Variants in FRMPD4 observed in about 807,000 individuals in gnomAD.
FRMPD4 encodes FERM and PDZ domain containing 4, also known as FERM and PDZ domain-containing protein 4.
Under a neutral mutation model 94.1 loss-of-function variants are expected in FRMPD4, and 22 were observed. The observed-to-expected ratio is 0.23, with a 90% CI of 0.17 to 0.33. FRMPD4 has a LOEUF of 0.33. Ranked by LOEUF, FRMPD4 falls within the 10% of genes least tolerant of loss-of-function variation. The pLI, the probability that FRMPD4 is intolerant of heterozygous loss-of-function variation, is 1.00. For missense variants in FRMPD4, 1,111 were observed against 1,339.9 expected (o/e 0.83, Z 2.67); for synonymous variants, 631 against 548.6 (o/e 1.15, Z -2.10).
intron 5 of FRMPD4, among the ~76,000 whole-genome samples, chrX:12,675,551 T>C (rs2059890898): frequency 9.0e-6 from 1 of 111,318 alleles, no homozygotes; most frequent in African/African-American, 3.3e-5. Context: ...CCCCATCCAG[T>C]TGGAGGACAT....
chrX:11,869,193 TA>T (rs1488036767), intron 2 of FRMPD4, among the ~76,000 whole-genome samples: 6 of 112,279 alleles, frequency 5.3e-5, no homozygotes, highest in Non-Finnish European at 1.1e-4. Context: ...ATGTACTCAT[TA>T]AATGGACATA....
intron 2 of FRMPD4, among the ~76,000 whole-genome samples, chrX:12,605,293 G>C (rs765772972): frequency 8.9e-6 from 1 of 112,430 alleles, no homozygotes; most frequent in South Asian, 3.7e-4. Context: ...TAGGCAACAT[G>C]CTCATAGGTA....
intron 1 of FRMPD4, among the ~76,000 whole-genome samples, chrX:12,222,096 G>A (rs2056874944): frequency 8.9e-6 from 1 of 111,800 alleles, no homozygotes; most frequent in Non-Finnish European, 1.9e-5. Context: ...ACTTTGGGAG[G>A]CCAAAGAGGG....
intron 3 of FRMPD4, among the ~76,000 whole-genome samples, chrX:11,964,573 A>G (rs2054300818): frequency 1.8e-5 from 2 of 112,098 alleles, no homozygotes; most frequent in South Asian, 7.6e-4. Context: ...GGGAACTGCC[A>G]ACAGTCTTAC....
intron 1 of FRMPD4, among the ~76,000 whole-genome samples, chrX:12,406,322 T>C (rs1342404613): frequency 8.9e-6 from 1 of 112,180 alleles, no homozygotes; most frequent in East Asian, 2.8e-4. Context: ...ATTATCCCCA[T>C]AGGTCAAGTT....
chrX:12,208,908 A>G (rs1321379715), intron 1 of FRMPD4, among the ~76,000 whole-genome samples: 2 of 112,209 alleles, frequency 1.8e-5, no homozygotes, highest in African/African-American at 6.5e-5. Flanking sequence ...AGAAACTACA[A>G]CAACAATTAT....
At chrX:11,895,658 G>A (rs997652747) in intron 3 of FRMPD4, among the ~76,000 whole-genome samples, 5 of 112,043 alleles carry the variant, frequency 4.5e-5, no homozygotes, top group East Asian at 5.6e-4. Flanking sequence ...GGGATGAGAA[G>A]ATAAACTGTT....
chrX:12,220,001 C>T (rs537561352), intron 1 of FRMPD4, among the ~76,000 whole-genome samples: 1 of 111,464 alleles, frequency 9.0e-6, no homozygotes, highest in East Asian at 2.8e-4. Context: ...ATTAGCCTGG[C>T]GTGGTGGCAC....
intron 1 of FRMPD4, among the ~76,000 whole-genome samples, chrX:12,299,291 T>G (rs2054821341): frequency 1.9e-5 from 2 of 103,498 alleles, no homozygotes; most frequent in African/African-American, 7.5e-5. Context: ...GAGGAGGAGG[T>G]AAAGGAGGAG....
At chrX:11,947,946 C>T (rs754389072) in intron 3 of FRMPD4, among the ~76,000 whole-genome samples, 5 of 108,369 alleles carry the variant, frequency 4.6e-5, no homozygotes, top group Non-Finnish European at 7.7e-5. Context: ...AAAAATTAGC[C>T]GGGCATGGTG....
At chrX:12,139,142 C>A in intron 1 of FRMPD4, 130 bp downstream of exon 1, 1 of 474,423 alleles carries the variant, frequency 2.1e-6, no homozygotes, top group Non-Finnish European at 3.3e-6. Context: ...ACGAAGTGGC[C>A]GGGGGCTTCC....
intron 1 of FRMPD4, among the ~76,000 whole-genome samples, chrX:12,451,595 T>G (rs972195420): frequency 6.3e-5 from 7 of 111,847 alleles, no homozygotes; most frequent in Non-Finnish European, 1.1e-4. Context: ...ATGTAATATC[T>G]TTGCTTGTAT....
At chrX:12,200,866 T>C (rs984020746) in intron 1 of FRMPD4, among the ~76,000 whole-genome samples, 13 of 112,375 alleles carry the variant, frequency 1.2e-4, no homozygotes, top group Non-Finnish European at 1.9e-4. Context: ...TATTTAGGGA[T>C]CAGGAATATT....
intron 2 of FRMPD4, among the ~76,000 whole-genome samples, chrX:12,555,330 T>C (rs1456046181): frequency 1.8e-5 from 2 of 111,728 alleles, no homozygotes; most frequent in Non-Finnish European, 3.8e-5. Context: ...GTTTTTCTCC[T>C]GCTTTTTTGT....
intron 2 of FRMPD4, among the ~76,000 whole-genome samples, chrX:12,509,101 A>T (rs1244157005): frequency 1.8e-5 from 2 of 110,032 alleles, no homozygotes; most frequent in East Asian, 5.7e-4. Context: ...ATTGATGTGG[A>T]TGCAGTGAAC....
intron 3 of FRMPD4, among the ~76,000 whole-genome samples, chrX:11,947,785 T>G (rs2054196931): frequency 9.0e-6 from 1 of 111,156 alleles, no homozygotes; most frequent in Middle Eastern, 4.6e-3. Flanking sequence ...AATATTAACT[T>G]TAAAATTGTA....
intron 1 of FRMPD4, among the ~76,000 whole-genome samples, chrX:12,239,346 A>G (rs1486667892): frequency 8.9e-6 from 1 of 112,652 alleles, no homozygotes; most frequent in Non-Finnish European, 1.9e-5. Flanking sequence ...GCTTGTCACA[A>G]AAACTCAGAT....
intron 1 of FRMPD4, among the ~76,000 whole-genome samples, chrX:12,472,870 C>A (rs1461623988): frequency 1.8e-5 from 2 of 111,100 alleles, no homozygotes; most frequent in African/African-American, 6.7e-5. Context: ...GAGAATGGAA[C>A]CAAGTTGGAA....
intron 3 of FRMPD4, among the ~76,000 whole-genome samples, chrX:11,964,155 TG>T (rs754957911): frequency 0.011 from 1,149 of 101,637 alleles, 11 homozygotes; most frequent in African/African-American, 0.039. Context: ...GTGCTTTTTT[TG>T]TTGTTGTTGT....
Sources: allele counts gnomAD v4.1 joint callset (sites outside exome capture counted in the v4.1 genomes callset), GRCh38; gene constraint gnomAD v4.1.1; transcripts MANE v1.5; gene names NCBI Gene and HGNC (gene_info 2026-07-23, HGNC 2026-07-21).